Variants in ACOXL observed in about 807,000 individuals in gnomAD.
ACOXL encodes the protein acyl-CoA oxidase like, also known as acyl-coenzyme A oxidase-like protein.
Under a neutral mutation model 71.9 loss-of-function variants are expected in ACOXL, and 70 were observed. The observed-to-expected ratio is 0.97, with a 90% confidence interval of 0.80 to 1.19. The LOEUF (loss-of-function observed/expected upper bound fraction) is 1.19. Ranked by LOEUF, ACOXL falls within the 50% of genes most tolerant of loss-of-function variation. The probability of loss-of-function intolerance (pLI) is 0.00; values close to 1 mark genes in which losing one functional copy is unlikely to be tolerated. For missense variants in ACOXL, 703 were observed against 736.3 expected, an observed-to-expected ratio of 0.95 and a Z score of 0.52; for synonymous variants, 253 against 281.6, an observed-to-expected ratio of 0.90 and a Z score of 1.02.
Position 110,992,029 on chromosome 2 carries a change from G to A in ACOXL, c.1170-3864G>A, listed in dbSNP as rs1241301801. 2.6e-5 allele frequency among the ~76,000 whole-genome samples: 4 copies of A among 152,118 alleles called. No homozygotes were observed. In the South Asian group the frequency reaches 6.2e-4, roughly 24 times the overall value. Reference sequence around the variant, plus strand: ...CTGGCCACAAATCATCTGCCCTTTCGTTTCTTTTTCAGATAGCAAAGCAGG... The same window carrying A: ...CTGGCCACAAATCATCTGCCCTTTCATTTCTTTTTCAGATAGCAAAGCAGG... On this transcript the variant is annotated intron_variant, in intron 13 of 17. Transcript: ENST00000439055.
chr2:111,051,532 GATCTTA>G (rs2066288358), intron 16 of ACOXL, among the ~76,000 whole-genome samples: 1 of 152,170 alleles, frequency 6.6e-6, no homozygotes, highest in Non-Finnish European at 1.5e-5. Flanking sequence ...GCAGTGGCGT[GATCTTA>G]GCTCACTGCA....
chr2:110,980,978 C>T (rs2062683757), intron 12 of ACOXL, among the ~76,000 whole-genome samples: 1 of 152,216 alleles, frequency 6.6e-6, no homozygotes, highest in African/African-American at 2.4e-5. Flanking sequence ...TCCCCCAGCA[C>T]ACCAGGGGTT....
At position 110,861,141 on chromosome 2, in the gene ACOXL, A is replaced by G. The variant is rs534141029; in HGVS notation, c.788+19736A>G. On this transcript the variant is annotated intron_variant, in intron 10 of 17. Coordinates refer to ENST00000439055, the MANE Select transcript of ACOXL (RefSeq NM_001142807.4). ...AGAGTGAGACCCTATCTCAACAACA[A>G]CATCAACAATAACAACGGTTTTATT... 3.3e-5 allele frequency among the ~76,000 whole-genome samples: 5 copies of G among 152,302 alleles called. No individual in the cohort carries two copies. The South Asian group carries it at 1.0e-3, about 32-fold the overall frequency.
At chr2:110,858,470 T>C (rs768247607) in intron 10 of ACOXL, among the ~76,000 whole-genome samples, 11 of 152,198 alleles carry the variant, frequency 7.2e-5, no homozygotes, top group Non-Finnish European at 8.8e-5. Context: ...TGTTTCTGCA[T>C]GTTAATAGAT....
At chr2:111,073,805 T>C (rs2067461339) in intron 16 of ACOXL, among the ~76,000 whole-genome samples, 1 of 152,188 alleles carries the variant, frequency 6.6e-6, no homozygotes, top group Non-Finnish European at 1.5e-5. Context: ...AATTCATTGG[T>C]GATTTTGATT....
chr2:110,879,129 T>A (rs1696307462), intron 10 of ACOXL, among the ~76,000 whole-genome samples: 1 of 150,768 alleles, frequency 6.6e-6, no homozygotes, highest in Non-Finnish European at 1.5e-5. Flanking sequence ...GAGGAACCAC[T>A]AAAAGAAATA....
At chr2:111,029,092 T>G (rs1052263599) in intron 14 of ACOXL, among the ~76,000 whole-genome samples, 1 of 152,256 alleles carries the variant, frequency 6.6e-6, no homozygotes, top group Non-Finnish European at 1.5e-5. Flanking sequence ...TCTGAAGACT[T>G]AATGAGCAAA....
At chr2:110,862,527 G>T (rs1573885647) in intron 10 of ACOXL, among the ~76,000 whole-genome samples, 1 of 152,178 alleles carries the variant, frequency 6.6e-6, no homozygotes, top group East Asian at 1.9e-4. Context: ...GGGCCTCTTT[G>T]GTGCTGCTTG....
chr2:110,779,405 G>A (rs918027961), intron 2 of ACOXL, among the ~76,000 whole-genome samples: 2 of 152,204 alleles, frequency 1.3e-5, no homozygotes, highest in South Asian at 4.1e-4. Context: ...GGGGAGAGAG[G>A]AGGGAGGAAG....
chr2:111,026,925 C>A (rs755113281), intron 14 of ACOXL, among the ~76,000 whole-genome samples: 12 of 152,126 alleles, frequency 7.9e-5, no homozygotes, highest in Non-Finnish European at 1.6e-4. Context: ...AAGATAAGGT[C>A]TCCCTCTGTT....
chr2:111,022,662 C>A (rs1325993833), intron 14 of ACOXL, among the ~76,000 whole-genome samples: 1 of 152,088 alleles, frequency 6.6e-6, no homozygotes. Context: ...TCAGCCAGTG[C>A]AGTCACAGAG....
intron 10 of ACOXL, among the ~76,000 whole-genome samples, chr2:110,847,045 A>G (rs1691988542): frequency 6.6e-6 from 1 of 151,800 alleles, no homozygotes; most frequent in South Asian, 2.1e-4. Context: ...TTCATTCCCC[A>G]CTGTTTGGCT....
intron 12 of ACOXL, among the ~76,000 whole-genome samples, chr2:110,935,486 C>T (rs1335426204): frequency 1.3e-5 from 2 of 152,138 alleles, no homozygotes; most frequent in South Asian, 4.1e-4. Context: ...CAACCGCCCT[C>T]GCCTGCTCTC....
intron 2 of ACOXL, among the ~76,000 whole-genome samples, chr2:110,778,350 G>T (rs1165195517): frequency 6.6e-6 from 1 of 152,154 alleles, no homozygotes; most frequent in African/African-American, 2.4e-5. Flanking sequence ...ATGCAGACAG[G>T]TAAAGACACA....
At chr2:110,988,519 T>C (rs2063032808) in intron 13 of ACOXL, among the ~76,000 whole-genome samples, 1 of 152,152 alleles carries the variant, frequency 6.6e-6, no homozygotes, top group Non-Finnish European at 1.5e-5. Flanking sequence ...TGAAAAACAC[T>C]CCCCTACGGT....
intron 10 of ACOXL, among the ~76,000 whole-genome samples, chr2:110,904,068 A>T (rs900929395): frequency 6.6e-6 from 1 of 152,230 alleles, no homozygotes; most frequent in Non-Finnish European, 1.5e-5. Context: ...CAGAGAGCAC[A>T]TCTGATGGGT....
At chr2:111,052,045 C>T (rs1285786653) in intron 16 of ACOXL, among the ~76,000 whole-genome samples, 1 of 152,194 alleles carries the variant, frequency 6.6e-6, no homozygotes, top group African/African-American at 2.4e-5. Context: ...AAGAGATGAA[C>T]TTGGTTCATC....
At chr2:110,734,022 A>C (rs1249857115) in intron 1 of ACOXL, among the ~76,000 whole-genome samples, 1 of 152,214 alleles carries the variant, frequency 6.6e-6, no homozygotes, top group Non-Finnish European at 1.5e-5. Flanking sequence ...ATATAGAAGC[A>C]GACATGAGAA....
intron 11 of ACOXL, among the ~76,000 whole-genome samples, chr2:110,929,532 A>C (rs1484899525): frequency 6.6e-6 from 1 of 152,262 alleles, no homozygotes. Context: ...CCATTTTCTG[A>C]GGAGAAATTC....
Sources: gnomAD v4.1 joint callset for allele counts (sites outside exome capture counted in the v4.1 genomes callset) on GRCh38, gnomAD v4.1.1 for gene constraint, MANE v1.5 for transcripts, NCBI Gene and HGNC (gene_info 2026-07-23, HGNC 2026-07-21) for gene names.